The following TIAM1 variants were observed in gnomAD, a reference collection of about 807,000 sequenced individuals.
TIAM1 encodes the protein TIAM Rac1 associated GEF 1.
A neutral mutation model predicts 163.5 loss-of-function variants in TIAM1; 65 were observed. The ratio of observed to expected loss-of-function variants is 0.40; its 90% CI spans 0.33 to 0.49. TIAM1 has a LOEUF of 0.49. TIAM1 is among the 20% of genes least tolerant of loss of function. TIAM1 has a pLI of 0.77. For synonymous variants in TIAM1, 833 were observed against 810.1 expected, an observed-to-expected ratio of 1.03 and a Z score of -0.48; for missense variants, 1,789 against 2,044.7, an observed-to-expected ratio of 0.87 and a Z score of 2.41.
At chr21:31,319,089 G>A (rs567964371) in intron 2 of TIAM1, among the ~76,000 whole-genome samples, 1 of 152,284 alleles carries the variant, frequency 6.6e-6, no homozygotes, top group African/African-American at 2.4e-5. Context: ...TTGGGCCTCA[G>A]TTTCTACTCA....
chr21:31,412,242 G>C (rs2077370948), intron 2 of TIAM1, among the ~76,000 whole-genome samples: 1 of 152,230 alleles, frequency 6.6e-6, no homozygotes, highest in African/African-American at 2.4e-5. Flanking sequence ...CATGGCTGTA[G>C]AGTGTGGAAC....
At chr21:31,149,570 A>G (rs1330749283) in intron 19 of TIAM1, among the ~76,000 whole-genome samples, 1 of 152,150 alleles carries the variant, frequency 6.6e-6, no homozygotes, top group Admixed American at 6.5e-5. Context: ...GAATCTTTTT[A>G]GTGATTAACT....
chr21:31,133,524 C>T (rs1479745317), intron 23 of TIAM1, among the ~76,000 whole-genome samples: 1 of 152,204 alleles, frequency 6.6e-6, no homozygotes, highest in Non-Finnish European at 1.5e-5. Flanking sequence ...AATGTAGAGT[C>T]CACTATCGGA....
intron 23 of TIAM1, among the ~76,000 whole-genome samples, chr21:31,132,881 G>T (rs1048045894): frequency 1.3e-5 from 2 of 152,176 alleles, no homozygotes; most frequent in Admixed American, 6.5e-5. Flanking sequence ...CAAGGCAGAA[G>T]GCTATTTCTA....
chr21:31,329,640 A>G (rs1537736), intron 2 of TIAM1, among the ~76,000 whole-genome samples: 29,728 of 152,190 alleles, frequency 0.2, 3,285 homozygotes, highest in Middle Eastern at 0.36. Flanking sequence ...AAACAGGAAC[A>G]TGAAGTCAGT....
At chr21:31,277,885 C>G (rs1408014931) in intron 2 of TIAM1, among the ~76,000 whole-genome samples, 1 of 152,154 alleles carries the variant, frequency 6.6e-6, no homozygotes, top group Non-Finnish European at 1.5e-5. Context: ...CATTTGGATA[C>G]AGGCATAAAA....
At chr21:31,327,640 T>C (rs2075534636) in intron 2 of TIAM1, among the ~76,000 whole-genome samples, 1 of 40,374 alleles carries the variant, frequency 2.5e-5, no homozygotes, top group Admixed American at 3.3e-4. Context: ...AACGCCGCCA[T>C]CTCAAAAAAA....
intron 16 of TIAM1, among the ~76,000 whole-genome samples, chr21:31,162,218 T>C (rs1321776813): frequency 6.6e-6 from 1 of 152,154 alleles, no homozygotes; most frequent in African/African-American, 2.4e-5. Context: ...CCCTCATCTA[T>C]AAAATAGGGC....
At chr21:31,269,980 T>C (rs1310234199) in intron 3 of TIAM1, among the ~76,000 whole-genome samples, 1 of 152,216 alleles carries the variant, frequency 6.6e-6, no homozygotes, top group East Asian at 1.9e-4. Flanking sequence ...CGATGAATTT[T>C]AAGTTTTACC....
At chr21:31,246,995 A>G (rs2146725782) in intron 5 of TIAM1, among the ~76,000 whole-genome samples, 1 of 152,194 alleles carries the variant, frequency 6.6e-6, no homozygotes, top group African/African-American at 2.4e-5. Context: ...TTCTTTTTTC[A>G]AAGGTAAAGC....
Position 31,335,710 on chromosome 21 carries a change from A to AAAAAAAAAAG in TIAM1, c.-189+3532_-189+3533insCTTTTTTTTT, listed in dbSNP as rs1362285367. ...ACAGAGCGAGACTCTGTCTCCAAAA[A>AAAAAAAAAAG]AAAAGAAAAAAGAAAGAAACTCAAG... On this transcript the variant is annotated intron_variant, in intron 2 of 27. Coordinates refer to ENST00000541036, the MANE Select transcript of TIAM1 (RefSeq NM_001353694.2). 6.6e-5 allele frequency among the ~76,000 whole-genome samples: 10 copies of AAAAAAAAAAG among 152,192 alleles called. 1 individual carries two copies. The highest frequency in any genetic ancestry group is 2.4e-4 in the African/African-American group (10 of 41,506).
At chr21:31,248,059 C>T (rs2300347) in intron 5 of TIAM1, among the ~76,000 whole-genome samples, 39,689 of 151,976 alleles carry the variant, frequency 0.26, 7,912 homozygotes, top group African/African-American at 0.54. Flanking sequence ...GTTAAGCATC[C>T]ACAATGCCCA....
At chr21:31,284,039 G>A (rs910639507) in intron 2 of TIAM1, among the ~76,000 whole-genome samples, 7 of 152,194 alleles carry the variant, frequency 4.6e-5, no homozygotes, top group Admixed American at 4.6e-4. Flanking sequence ...AAAGAAAATA[G>A]AAATGGAGCT....
chr21:31,549,403 T>G, intron 1 of TIAM1, among the ~76,000 whole-genome samples: 1 of 152,078 alleles, frequency 6.6e-6, no homozygotes, highest in East Asian at 1.9e-4. Flanking sequence ...ATGGAGAAAA[T>G]GTTTGCAAAT....
chr21:31,223,454 C>T lies in TIAM1; in HGVS notation c.1947G>A (p.Val649=). 1 of 1,613,984 alleles carries T rather than the reference C, an allele frequency of 6.2e-7. No homozygotes were observed. The highest frequency in any genetic ancestry group is 8.5e-7 in the Non-Finnish European group (1 of 1,179,878). ...AAAAGATTCCAAGGCGGCCCATGGC[C>T]ACTTTCGTTGGTCGACTTGCAAAAG... is the stretch of plus-strand genomic sequence containing the variant. ...LLAFASRPTK[V]AMGRLGIFSV... The change falls in exon 8 of 28, where the codon GTG becomes GTA. Residue 649 remains valine, a synonymous_variant. Transcript: ENST00000541036.
At chr21:31,348,180 C>T (rs2076179433), upstream of TIAM1, among the ~76,000 whole-genome samples, 1 of 152,146 alleles carries the variant, frequency 6.6e-6, no homozygotes, top group South Asian at 2.1e-4. Context: ...GAGATGACTT[C>T]CAAAAGCAAG....
chr21:31,307,413 T>A (rs1188404549), intron 2 of TIAM1, among the ~76,000 whole-genome samples: 1 of 151,796 alleles, frequency 6.6e-6, no homozygotes, highest in Non-Finnish European at 1.5e-5. Context: ...CATCCAAGAG[T>A]CCCAGGACAC....
chr21:31,148,004 CAAAAAAAAA>C (rs34410316), intron 19 of TIAM1, among the ~76,000 whole-genome samples: 5 of 63,792 alleles, frequency 7.8e-5, no homozygotes, highest in Admixed American at 2.4e-4. Flanking sequence ...TGTCCATGAC[CAAAAAAAAA>C]AAAAAAAAAA....
chr21:31,176,948 T>C (rs546628320), intron 15 of TIAM1, among the ~76,000 whole-genome samples: 101 of 152,262 alleles, frequency 6.6e-4, no homozygotes, highest in Non-Finnish European at 1.1e-3. Context: ...AGCATTCAGT[T>C]CTTTCTACTC....
Sources: allele counts gnomAD v4.1 joint callset (sites outside exome capture counted in the v4.1 genomes callset), GRCh38; gene constraint gnomAD v4.1.1; transcripts MANE v1.5; gene names NCBI Gene and HGNC (gene_info 2026-07-23, HGNC 2026-07-21).